NAALADL2: variants seen among roughly 807,000 people sequenced by gnomAD.
The protein encoded by NAALADL2 is inactive N-acetylated-alpha-linked acidic dipeptidase-like protein 2.
In NAALADL2, 76 loss-of-function variants were observed where a neutral mutation model predicts 87.2. The ratio of observed to expected loss-of-function variants is 0.87; its 90% CI spans 0.72 to 1.05. The LOEUF (loss-of-function observed/expected upper bound fraction) is 1.05, where lower values mean the gene tolerates loss of function less well. Among genes scored for constraint, NAALADL2 ranks in the 50% least tolerant of loss-of-function variants. The pLI is 0.00. For missense variants in NAALADL2, 1,089 were observed against 945.8 expected, an observed-to-expected ratio of 1.15 and a Z score of -1.99; for synonymous variants, 354 against 331.0, an observed-to-expected ratio of 1.07 and a Z score of -0.75.
intron 1 of NAALADL2, among the ~76,000 whole-genome samples, chr3:175,075,580 A>C (rs560083925): frequency 6.6e-6 from 1 of 152,308 alleles, no homozygotes; most frequent in South Asian, 2.1e-4. Flanking sequence ...AGTGGTGGCC[A>C]TTCTGCAAGT....
intron 4 of NAALADL2, among the ~76,000 whole-genome samples, chr3:175,302,654 T>C (rs1284664239): frequency 6.6e-6 from 1 of 152,086 alleles, no homozygotes; most frequent in Non-Finnish European, 1.5e-5. Flanking sequence ...TCTAAAATAA[T>C]AATGTATGTT....
At position 175,097,273 on chromosome 3, in the gene NAALADL2, A is replaced by G. The variant is rs769840394; in HGVS notation, c.527A>G (p.Asp176Gly). Residue 176 changes from aspartate (D) to glycine (G), a missense_variant, in exon 2 of 14, where the codon GAT (aspartate) becomes GGT (glycine). Transcript: ENST00000454872. Reference sequence around the variant, plus strand: ...ATTCTCAAGACAATCCAGGCAGAAGATATTAAGAAGTCTTTCAGGTAGGTG... The same window carrying G: ...ATTCTCAAGACAATCCAGGCAGAAGGTATTAAGAAGTCTTTCAGGTAGGTG... ...QEILKTIQAE[D>G]IKKSFRNLVQ... is the part of the protein sequence containing the mutation. The G allele has an allele frequency of 3.1e-6, 5 of 1,609,056 alleles. No homozygotes were observed. Among genetic ancestry groups the G allele is most frequent in the Non-Finnish European group, 3.4e-6 (4 of 1,177,452 alleles).
intron 2 of NAALADL2, among the ~76,000 whole-genome samples, chr3:174,569,274 C>T (rs999549384): frequency 6.6e-6 from 1 of 151,486 alleles, no homozygotes; most frequent in African/African-American, 2.4e-5. Flanking sequence ...GAGACTCGAT[C>T]CAAGGACATT....
At position 175,013,078 on chromosome 3, in the gene NAALADL2, TAATAC is replaced by T. The variant is rs1228376980; in HGVS notation, c.44-83710_44-83706del. 1.6e-4 allele frequency among the ~76,000 whole-genome samples: 15 copies of T among 94,374 alleles called. 2 individuals are homozygous for T. Among genetic ancestry groups the T allele is most frequent in the East Asian group, 1.3e-3 (4 of 3,100 alleles). The allele number at this position is 94,374 out of a possible 152,430, so 61.9% of individuals were successfully genotyped here. On this transcript the variant is annotated intron_variant, in intron 1 of 13. Transcript: ENST00000454872. The stretch of plus-strand genomic sequence containing the variant: ...ATATATACACATATATATAAATATG[TAATAC>T]ATATTTATATATAAATATACATATT...
At chr3:175,082,975 C>T (rs749128054) in intron 1 of NAALADL2, among the ~76,000 whole-genome samples, 22 of 152,184 alleles carry the variant, frequency 1.4e-4, no homozygotes, top group Middle Eastern at 3.2e-3. Flanking sequence ...TTAATTTTCT[C>T]ACATAGATCT....
chr3:174,941,951 T>C (rs537145812), intron 1 of NAALADL2, among the ~76,000 whole-genome samples: 1 of 152,244 alleles, frequency 6.6e-6, no homozygotes, highest in South Asian at 2.1e-4. Context: ...TGCTTTCTTA[T>C]GCAGTTACCA....
At chr3:175,672,395 A>T (rs1734122204) in intron 11 of NAALADL2, among the ~76,000 whole-genome samples, 1 of 152,158 alleles carries the variant, frequency 6.6e-6, no homozygotes, top group African/African-American at 2.4e-5. Context: ...TATCCTGTGG[A>T]TGCTATGGAG....
At chr3:174,907,583 A>G (rs1488264817) in intron 1 of NAALADL2, among the ~76,000 whole-genome samples, 1 of 152,180 alleles carries the variant, frequency 6.6e-6, no homozygotes, top group African/African-American at 2.4e-5. Context: ...CCACGTCCCT[A>G]AAAGGTAAAC....
intron 5 of NAALADL2, among the ~76,000 whole-genome samples, chr3:175,373,985 G>A (rs924763986): frequency 3.9e-5 from 6 of 151,960 alleles, no homozygotes; most frequent in African/African-American, 7.3e-5. Context: ...ATATTTCTCT[G>A]TATATATGTG....
intron 5 of NAALADL2, among the ~76,000 whole-genome samples, chr3:175,349,507 T>G (rs137992676): frequency 6.6e-6 from 1 of 152,316 alleles, no homozygotes; most frequent in African/African-American, 2.4e-5. Flanking sequence ...AAATTCTGTC[T>G]TCATCCCAAA....
At chr3:175,173,244 A>G (rs1486478506) in intron 2 of NAALADL2, among the ~76,000 whole-genome samples, 2 of 151,948 alleles carry the variant, frequency 1.3e-5, no homozygotes, top group Non-Finnish European at 2.9e-5. Context: ...GTGAGCTGAG[A>G]TTGTGCTACC....
At chr3:174,709,580 G>A (rs1016124776) in intron 2 of NAALADL2, among the ~76,000 whole-genome samples, 30 of 152,222 alleles carry the variant, frequency 2.0e-4, no homozygotes, top group African/African-American at 6.3e-4. Context: ...AGAACATATA[G>A]AAGAGTGGCT....
chr3:175,415,142 A>AAATAGCAT (rs1276622906), intron 5 of NAALADL2, among the ~76,000 whole-genome samples: 2 of 152,216 alleles, frequency 1.3e-5, no homozygotes, highest in African/African-American at 4.8e-5. Context: ...AAATAAAAAG[A>AAATAGCAT]AATAGCATAC....
chr3:175,459,667 A>G (rs1409248825), intron 6 of NAALADL2, among the ~76,000 whole-genome samples: 2 of 152,188 alleles, frequency 1.3e-5, no homozygotes, highest in Non-Finnish European at 2.9e-5. Flanking sequence ...AACAGGTGCT[A>G]CACTAGGAGG....
intron 2 of NAALADL2, among the ~76,000 whole-genome samples, chr3:175,181,238 A>C (rs775443521): frequency 1.3e-5 from 2 of 152,056 alleles, no homozygotes; most frequent in Non-Finnish European, 2.9e-5. Context: ...ATATTTGAAA[A>C]TAGCTAACTT....
At chr3:174,945,768 C>A (rs940630610) in intron 1 of NAALADL2, among the ~76,000 whole-genome samples, 5 of 152,232 alleles carry the variant, frequency 3.3e-5, no homozygotes, top group African/African-American at 1.2e-4. Flanking sequence ...TTCAGAAGGG[C>A]TGGGCAAGGT....
chr3:174,494,064 G>A (rs956828968), intron 1 of NAALADL2, among the ~76,000 whole-genome samples: 2 of 152,068 alleles, frequency 1.3e-5, no homozygotes, highest in Non-Finnish European at 2.9e-5. Flanking sequence ...ATTAGGGAGA[G>A]TATTTCATGG....
intron 5 of NAALADL2, among the ~76,000 whole-genome samples, chr3:175,385,207 A>C (rs532709692): frequency 6.6e-6 from 1 of 152,234 alleles, no homozygotes; most frequent in Non-Finnish European, 1.5e-5. Flanking sequence ...AAGCATAAGG[A>C]CAAGAAAATT....
intron 3 of NAALADL2, among the ~76,000 whole-genome samples, chr3:174,741,407 A>G (rs1235759224): frequency 6.6e-6 from 1 of 151,704 alleles, no homozygotes; most frequent in Non-Finnish European, 1.5e-5. Flanking sequence ...ATAATATAAA[A>G]AAGCATACAA....
Sources: gnomAD v4.1 joint callset for allele counts (sites outside exome capture counted in the v4.1 genomes callset) on GRCh38, gnomAD v4.1.1 for gene constraint, MANE v1.5 for transcripts, NCBI Gene and HGNC (gene_info 2026-07-23, HGNC 2026-07-21) for gene names.